The following DNAJC1 variants were observed in gnomAD, a reference collection of about 807,000 sequenced individuals.
The protein encoded by DNAJC1 is DnaJ heat shock protein family (Hsp40) member C1.
DNAJC1 carries 58 observed loss-of-function variants against 76.6 expected under a neutral mutation model. The observed-to-expected ratio is 0.76, with a 90% CI of 0.61 to 0.94. The LOEUF is 0.94. Among genes scored for constraint, DNAJC1 ranks in the 40% least tolerant of loss-of-function variants. DNAJC1 has a pLI of 0.00. For synonymous variants in DNAJC1, 258 were observed against 267.9 expected (o/e 0.96, Z 0.36); for missense variants, 689 against 677.3 (o/e 1.02, Z -0.19).
chr10:21,824,607 A>C (rs942924350), intron 8 of DNAJC1, among the ~76,000 whole-genome samples: 10 of 152,274 alleles, frequency 6.6e-5, no homozygotes, highest in Non-Finnish European at 1.2e-4. Context: ...CGGTGATGGA[A>C]GTCTTATCTG....
intron 1 of DNAJC1, among the ~76,000 whole-genome samples, chr10:21,933,596 A>T (rs554199939): frequency 1.3e-5 from 2 of 151,702 alleles, no homozygotes; most frequent in African/African-American, 4.8e-5. Flanking sequence ...AAACTGCCCA[A>T]CTGAGTGTGG....
intron 9 of DNAJC1, among the ~76,000 whole-genome samples, chr10:21,770,239 T>C (rs1234742725): frequency 2.6e-5 from 4 of 152,192 alleles, no homozygotes; most frequent in African/African-American, 7.2e-5. Context: ...CCTAACTTAA[T>C]AGTTAATAAT....
At chr10:21,817,797 G>T (rs895764861) in intron 8 of DNAJC1, among the ~76,000 whole-genome samples, 7 of 151,966 alleles carry the variant, frequency 4.6e-5, no homozygotes, top group Admixed American at 2.0e-4. Context: ...CTGTCTTTAC[G>T]GCAATCTCTG....
chr10:21,942,577 C>G (rs532365701), intron 1 of DNAJC1, among the ~76,000 whole-genome samples: 3 of 151,904 alleles, frequency 2.0e-5, no homozygotes, highest in African/African-American at 7.2e-5. Flanking sequence ...GAGGCCAAGG[C>G]GGGCAGATCA....
intron 1 of DNAJC1, among the ~76,000 whole-genome samples, chr10:21,930,139 C>G (rs956287912): frequency 6.6e-6 from 1 of 152,140 alleles, no homozygotes; most frequent in Non-Finnish European, 1.5e-5. Context: ...CCACACCCAG[C>G]TAATTTTTGT....
intron 8 of DNAJC1, among the ~76,000 whole-genome samples, chr10:21,826,771 C>T (rs1025519070): frequency 6.6e-6 from 1 of 152,194 alleles, no homozygotes; most frequent in African/African-American, 2.4e-5. Context: ...CTTCTCCACA[C>T]TGAATGATCT....
At chr10:21,966,160 C>T (rs1045140668) in intron 1 of DNAJC1, among the ~76,000 whole-genome samples, 3 of 152,112 alleles carry the variant, frequency 2.0e-5, no homozygotes, top group African/African-American at 7.2e-5. Flanking sequence ...TCAAGACAAC[C>T]ATGTAAGTTA....
intron 8 of DNAJC1, among the ~76,000 whole-genome samples, chr10:21,846,516 T>C (rs892232160): frequency 3.3e-5 from 5 of 152,268 alleles, no homozygotes; most frequent in African/African-American, 1.2e-4. Flanking sequence ...TGCAGAGGTA[T>C]TAGAAAAATA....
At chr10:21,946,049 CTTTTTTT>C (rs71510915) in intron 1 of DNAJC1, among the ~76,000 whole-genome samples, 2 of 93,306 alleles carry the variant, frequency 2.1e-5, no homozygotes, top group Admixed American at 1.5e-4. Context: ...TTCTTTTCCT[CTTTTTTT>C]TTTTTTTTTT....
intron 9 of DNAJC1, among the ~76,000 whole-genome samples, chr10:21,801,391 A>G (rs1834811457): frequency 1.3e-5 from 2 of 152,176 alleles, no homozygotes; most frequent in South Asian, 2.1e-4. Context: ...AAAAAGCTCA[A>G]TCACTGATCA....
At chr10:21,992,345 A>G (rs1391080276) in intron 1 of DNAJC1, among the ~76,000 whole-genome samples, 2 of 152,188 alleles carry the variant, frequency 1.3e-5, no homozygotes, top group African/African-American at 4.8e-5. Flanking sequence ...ATGTGACTCC[A>G]TGTTGGAATA....
intron 8 of DNAJC1, among the ~76,000 whole-genome samples, chr10:21,835,710 G>A (rs1835440269): frequency 6.6e-6 from 1 of 152,152 alleles, no homozygotes; most frequent in South Asian, 2.1e-4. Context: ...GCGATCAACT[G>A]GAAGAAAGGG....
intron 8 of DNAJC1, among the ~76,000 whole-genome samples, chr10:21,842,253 T>C (rs959301850): frequency 6.7e-6 from 1 of 148,482 alleles, no homozygotes; most frequent in Non-Finnish European, 1.5e-5. Context: ...ATAATAAGAA[T>C]TAAAAAAAAA....
chr10:21,820,195 G>T (rs1835135973), intron 8 of DNAJC1, among the ~76,000 whole-genome samples: 1 of 152,114 alleles, frequency 6.6e-6, no homozygotes, highest in African/African-American at 2.4e-5. Context: ...CATATAATAT[G>T]TAGTCTTTTA....
At chr10:22,003,069 G>C in intron 1 of DNAJC1, 144 bp downstream of exon 1, 1 of 1,300,622 alleles carries the variant, frequency 7.7e-7, no homozygotes, top group Non-Finnish European at 9.8e-7. Flanking sequence ...CCAAGGCTGA[G>C]GACCCCGGTG....
chr10:21,845,278 A>G (rs1358734536), intron 8 of DNAJC1, among the ~76,000 whole-genome samples: 1 of 152,120 alleles, frequency 6.6e-6, no homozygotes, highest in Non-Finnish European at 1.5e-5. Context: ...GAGGGGAAAA[A>G]AAGTCACTTT....
intron 8 of DNAJC1, among the ~76,000 whole-genome samples, chr10:21,813,096 C>CATACAT (rs1834998980): frequency 8.5e-6 from 1 of 117,310 alleles, no homozygotes; most frequent in East Asian, 2.5e-4. Context: ...TACACACACA[C>CATACAT]ATATATATAT....
At chr10:21,941,560 T>C (rs1281150921) in intron 1 of DNAJC1, among the ~76,000 whole-genome samples, 4 of 152,050 alleles carry the variant, frequency 2.6e-5, no homozygotes, top group Non-Finnish European at 5.9e-5. Context: ...AAAAAAAGGA[T>C]AATATAGGAA....
intron 9 of DNAJC1, among the ~76,000 whole-genome samples, chr10:21,785,913 A>G (rs1460901393): frequency 6.6e-6 from 1 of 152,216 alleles, no homozygotes; most frequent in Non-Finnish European, 1.5e-5. Flanking sequence ...ATGGATTTTA[A>G]ATTGTTTGTT....
Sources: gnomAD v4.1 joint callset for allele counts (sites outside exome capture counted in the v4.1 genomes callset) on GRCh38, gnomAD v4.1.1 for gene constraint, MANE v1.5 for transcripts, NCBI Gene and HGNC (gene_info 2026-07-23, HGNC 2026-07-21) for gene names.